The following TUSC3 variants were observed in gnomAD, a reference collection of about 807,000 sequenced individuals.
The protein encoded by TUSC3 is dolichyl-diphosphooligosaccharide--protein glycosyltransferase subunit TUSC3.
In TUSC3, 45 loss-of-function variants were observed where a neutral mutation model predicts 44.8. That is an observed-to-expected ratio of 1.00 (90% CI 0.79 to 1.29). The LOEUF (loss-of-function observed/expected upper bound fraction) is 1.29, where lower values mean the gene tolerates loss of function less well. TUSC3 is among the 50% of genes most tolerant of loss of function. The pLI is 0.00. For synonymous variants in TUSC3, 212 were observed against 152.9 expected (o/e 1.39, Z -2.85); for missense variants, 519 against 437.9 (o/e 1.19, Z -1.65).
chr8:15,463,108 G>C (rs996512903), intron 1 of TUSC3, among the ~76,000 whole-genome samples: 2 of 149,666 alleles, frequency 1.3e-5, no homozygotes, highest in Admixed American at 6.7e-5. Context: ...CTCTCTCTCT[G>C]TTTTTCTGGT....
chr8:15,677,654 C>G (rs1808250199), intron 6 of TUSC3, among the ~76,000 whole-genome samples: 1 of 152,170 alleles, frequency 6.6e-6, no homozygotes, highest in African/African-American at 2.4e-5. Flanking sequence ...CATATCAGCA[C>G]AAAACTGGTA....
At chr8:15,639,444 G>A (rs777097124) in intron 2 of TUSC3, among the ~76,000 whole-genome samples, 7 of 152,196 alleles carry the variant, frequency 4.6e-5, no homozygotes, top group Non-Finnish European at 2.9e-5. Flanking sequence ...ACAGCTACAG[G>A]AGTAAAGATC....
chr8:15,835,133 T>C, the TUSC3 span, among the ~76,000 whole-genome samples: 2 of 152,350 alleles, frequency 1.3e-5, no homozygotes, highest in Admixed American at 1.3e-4. Flanking sequence ...TTTTCTTTTA[T>C]GGTAACTCAT....
intron 5 of TUSC3, 49 bp downstream of exon 5, chr8:15,662,345 A>G (rs1273364352): frequency 6.2e-7 from 1 of 1,606,192 alleles, no homozygotes; most frequent in Non-Finnish European, 8.5e-7. Flanking sequence ...TTGTGTAATA[A>G]TATAAGTTGT....
chr8:15,851,112 T>C, the TUSC3 span, among the ~76,000 whole-genome samples: 3 of 152,212 alleles, frequency 2.0e-5, no homozygotes, highest in African/African-American at 7.2e-5. Flanking sequence ...TAATGGGAGC[T>C]CAACATTAAT....
the TUSC3 span, among the ~76,000 whole-genome samples, chr8:15,797,141 G>A: frequency 1.3e-5 from 2 of 152,166 alleles, no homozygotes; most frequent in Admixed American, 1.3e-4. Flanking sequence ...CAAATCACTG[G>A]TCACTCAAGA....
At chr8:15,804,985 G>C in the TUSC3 span, among the ~76,000 whole-genome samples, 1 of 152,008 alleles carries the variant, frequency 6.6e-6, no homozygotes, top group East Asian at 1.9e-4. Context: ...TTATTTGTTT[G>C]TGTCATCTGT....
At chr8:15,442,529 T>G (rs2129118657) in intron 1 of TUSC3, among the ~76,000 whole-genome samples, 1 of 152,312 alleles carries the variant, frequency 6.6e-6, no homozygotes, top group Non-Finnish European at 1.5e-5. Flanking sequence ...TTTACTTTCT[T>G]ACTAAAATAC....
intron 1 of TUSC3, among the ~76,000 whole-genome samples, chr8:15,441,206 A>C (rs1036869055): frequency 2.2e-4 from 33 of 152,230 alleles, no homozygotes; most frequent in Non-Finnish European, 4.3e-4. Flanking sequence ...CAGAAGTTCA[A>C]AACCAGTCTT....
the TUSC3 span, among the ~76,000 whole-genome samples, chr8:15,844,159 A>C: frequency 6.6e-6 from 1 of 151,884 alleles, no homozygotes; most frequent in African/African-American, 2.4e-5. Flanking sequence ...ATTTTAATGA[A>C]GGGATGGCAA....
At chr8:15,562,409 A>G (rs938104088) in intron 1 of TUSC3, among the ~76,000 whole-genome samples, 5 of 152,226 alleles carry the variant, frequency 3.3e-5, no homozygotes, top group African/African-American at 7.2e-5. Context: ...AAGAAATAGG[A>G]TGTAAAGTGT....
intron 1 of TUSC3, among the ~76,000 whole-genome samples, chr8:15,560,435 C>T (rs1275435661): frequency 6.7e-6 from 1 of 148,628 alleles, no homozygotes; most frequent in Non-Finnish European, 1.5e-5. Context: ...CTGCCCTTAA[C>T]ATTTTTTCCT....
At chr8:15,568,076 A>T (rs1042450181) in intron 1 of TUSC3, among the ~76,000 whole-genome samples, 5 of 152,122 alleles carry the variant, frequency 3.3e-5, no homozygotes, top group African/African-American at 1.2e-4. Context: ...CGATTGGCAC[A>T]AGGTTGGGAA....
At chr8:15,669,883 T>C (rs1233461915) in intron 5 of TUSC3, among the ~76,000 whole-genome samples, 3 of 151,700 alleles carry the variant, frequency 2.0e-5, no homozygotes, top group Non-Finnish European at 4.4e-5. Context: ...ATTGCCCTCC[T>C]TAGCAGATGA....
chr8:15,653,696 T>C (rs752647736), intron 3 of TUSC3, among the ~76,000 whole-genome samples: 4 of 152,208 alleles, frequency 2.6e-5, no homozygotes, highest in African/African-American at 4.8e-5. Flanking sequence ...TAATGAGTTT[T>C]ATGAGGAATT....
chr8:15,843,287 G>A, the TUSC3 span, among the ~76,000 whole-genome samples: 3 of 152,032 alleles, frequency 2.0e-5, no homozygotes, highest in Non-Finnish European at 4.4e-5. Flanking sequence ...TATGTTTTCT[G>A]ATAAAAGTTT....
chr8:15,626,469 C>T (rs1332272676), intron 2 of TUSC3, among the ~76,000 whole-genome samples: 3 of 152,224 alleles, frequency 2.0e-5, no homozygotes, highest in Non-Finnish European at 4.4e-5. Context: ...TGGTTGTAGC[C>T]TTCCAAGTCA....
chr8:15,538,426 G>A (rs538233979), upstream of TUSC3, among the ~76,000 whole-genome samples: 7 of 152,110 alleles, frequency 4.6e-5, no homozygotes, highest in Non-Finnish European at 8.8e-5. Context: ...AAAAGCTTGC[G>A]ATACAGAAAA....
chr8:15,634,925 G>A (rs1427702748), intron 2 of TUSC3, among the ~76,000 whole-genome samples: 8 of 152,164 alleles, frequency 5.3e-5, no homozygotes, highest in South Asian at 2.1e-4. Flanking sequence ...TTTGGCCTCC[G>A]TAGGCCACTG....
Sources: gnomAD v4.1 joint callset for allele counts (sites outside exome capture counted in the v4.1 genomes callset) on GRCh38, gnomAD v4.1.1 for gene constraint, MANE v1.5 for transcripts, NCBI Gene and HGNC (gene_info 2026-07-23, HGNC 2026-07-21) for gene names.